The following INTS9 variants were observed in gnomAD, a reference collection of about 807,000 sequenced individuals.
INTS9 encodes integrator complex subunit 9.
INTS9 carries 55 observed loss-of-function variants against 79.7 expected under a neutral mutation model. That is an observed-to-expected ratio of 0.69 (90% CI 0.56 to 0.86). The LOEUF (loss-of-function observed/expected upper bound fraction) is 0.86. Among genes scored for constraint, INTS9 ranks in the 40% least tolerant of loss-of-function variants. The pLI is 0.00. For synonymous variants in INTS9, 319 were observed against 325.2 expected (o/e 0.98, Z 0.20); for missense variants, 721 against 831.5 (o/e 0.87, Z 1.64).
chr8:28,850,980 T>C (rs750445092), intron 2 of INTS9, among the ~76,000 whole-genome samples: 16 of 152,242 alleles, frequency 1.1e-4, no homozygotes, highest in Non-Finnish European at 1.9e-4. Flanking sequence ...GATTTAACTG[T>C]GTTCTACTAG....
intron 1 of INTS9, among the ~76,000 whole-genome samples, chr8:28,885,358 C>T (rs967070667): frequency 4.6e-5 from 7 of 152,314 alleles, no homozygotes; most frequent in African/African-American, 1.7e-4. Context: ...GCCATGGATT[C>T]TGAGGCACTC....
intron 2 of INTS9, among the ~76,000 whole-genome samples, chr8:28,851,512 A>G (rs1248500451): frequency 1.3e-5 from 2 of 151,922 alleles, no homozygotes; most frequent in Admixed American, 6.6e-5. Flanking sequence ...ATCTCGGCTC[A>G]CTGCAACCTC....
chr8:28,882,582 T>G (rs1437296234), intron 1 of INTS9, among the ~76,000 whole-genome samples: 1 of 144,408 alleles, frequency 6.9e-6, no homozygotes, highest in Non-Finnish European at 1.5e-5. Context: ...CATAATGTAT[T>G]TAGAAAAAGA....
At position 28,841,944 on chromosome 8, in the gene INTS9, C is replaced by T. The variant is rs148781901; in HGVS notation, c.262-4168G>A. Among the ~76,000 whole-genome samples, 855 of 152,108 alleles carry T rather than the reference C, an allele frequency of 5.6e-3. 9 individuals carry two copies. Among genetic ancestry groups the T allele is most frequent in the African/African-American group, 0.02 (818 of 41,482 alleles). On this transcript the variant is annotated intron_variant, in intron 4 of 16. Transcript: ENST00000521022. ...CTACAAAAAATGTTTCAACAATTAG[C>T]CAGGCATGGTGTTGCACACATGTAG... is the stretch of plus-strand genomic sequence containing the variant.
intron 1 of INTS9, among the ~76,000 whole-genome samples, chr8:28,865,874 C>T (rs558559342): frequency 1.2e-4 from 19 of 152,206 alleles, no homozygotes; most frequent in African/African-American, 4.3e-4. Flanking sequence ...CTAGTTTCTA[C>T]TTCTGGAATG....
chr8:28,817,078 C>T lies in INTS9; in HGVS notation c.489-3466G>A, dbSNP rs867287567. ...AGCCCTTTGTCAGATGAGTAGGTTG[C>T]GAAAATTTTCTCCCATTTTGTAGGT... On this transcript the variant is annotated intron_variant, in intron 6 of 16. Coordinates refer to ENST00000521022, the MANE Select transcript of INTS9 (RefSeq NM_018250.4). Among the ~76,000 whole-genome samples the T allele has an allele frequency of 4.0e-3, 601 of 149,226 alleles. 3 individuals carry two copies. Among genetic ancestry groups the T allele is most frequent in the African/African-American group, 0.014 (574 of 40,448 alleles).
intron 1 of INTS9, among the ~76,000 whole-genome samples, chr8:28,878,904 C>T (rs991370942): frequency 1.1e-4 from 16 of 151,488 alleles, no homozygotes; most frequent in African/African-American, 3.9e-4. Flanking sequence ...CGCTTGAGCC[C>T]GGGAGGTAGA....
intron 8 of INTS9, among the ~76,000 whole-genome samples, chr8:28,802,305 T>C (rs1804568462): frequency 6.6e-6 from 1 of 152,238 alleles, no homozygotes; most frequent in Non-Finnish European, 1.5e-5. Context: ...TTACTTTTTT[T>C]GGAGTAGTTC....
At chr8:28,779,989 G>A (rs1444414196) in intron 12 of INTS9, among the ~76,000 whole-genome samples, 1 of 151,888 alleles carries the variant, frequency 6.6e-6, no homozygotes, top group Non-Finnish European at 1.5e-5. Flanking sequence ...TTACTGTGGG[G>A]ACAGTCATGC....
At chr8:28,796,278 C>G (rs1437181581) in intron 9 of INTS9, among the ~76,000 whole-genome samples, 1 of 152,194 alleles carries the variant, frequency 6.6e-6, no homozygotes, top group Non-Finnish European at 1.5e-5. Flanking sequence ...CCACTGCACT[C>G]AAGCCTGGGT....
intron 10 of INTS9, among the ~76,000 whole-genome samples, chr8:28,792,676 G>A (rs867297859): frequency 3.3e-5 from 5 of 152,196 alleles, no homozygotes; most frequent in South Asian, 2.1e-4. Context: ...CACTTTGGGA[G>A]GCCGAGGCGG....
chr8:28,824,964 G>T (rs1424365934), intron 6 of INTS9, among the ~76,000 whole-genome samples: 2 of 152,146 alleles, frequency 1.3e-5, no homozygotes, highest in African/African-American at 4.8e-5. Flanking sequence ...GTCAAGGTTT[G>T]TCTCCAGCCC....
In INTS9 at chr8:28,846,740, A is replaced by C; in HGVS notation, c.261+7T>G. ...TGTTTCTACAATAAGATTCACCTTA[A>C]TCTTACCTCTGGTAAACAGAATTCC... On this transcript the variant is annotated splice_region_variant and intron_variant, in intron 4 of 16. Transcript: ENST00000521022. 6.2e-7 allele frequency: 1 copy of C among 1,605,414 alleles called. No homozygotes were observed. Among genetic ancestry groups the C allele is most frequent in the Admixed American group, 1.7e-5 (1 of 60,014 alleles).
intron 8 of INTS9, among the ~76,000 whole-genome samples, chr8:28,807,145 A>G (rs1412867359): frequency 2.0e-5 from 3 of 152,204 alleles, no homozygotes; most frequent in Non-Finnish European, 4.4e-5. Flanking sequence ...AAGGTTAAAC[A>G]AATAAAAGAG....
chr8:28,811,941 G>A (rs143274725), intron 8 of INTS9, among the ~76,000 whole-genome samples: 5 of 152,228 alleles, frequency 3.3e-5, no homozygotes, highest in East Asian at 3.9e-4. Context: ...TAAGATCTAC[G>A]GGCACATGCT....
At chr8:28,811,046 C>G (rs1004701074) in intron 8 of INTS9, among the ~76,000 whole-genome samples, 3 of 152,192 alleles carry the variant, frequency 2.0e-5, no homozygotes, top group Non-Finnish European at 2.9e-5. Context: ...TTTAGGGGCC[C>G]TTCACTGGCC....
At chr8:28,770,138 G>A (rs763860084) in intron 15 of INTS9, 112 bp from the exon 16 acceptor site, 22 of 1,366,528 alleles carry the variant, frequency 1.6e-5, no homozygotes, top group East Asian at 4.9e-5. Flanking sequence ...ACAGAGCCCC[G>A]GCCCGGTTTC....
rs1411066625 is a variant in INTS9 at position 28,819,485 on chromosome 8, A to G, written c.489-5873T>C. Among the ~76,000 whole-genome samples, 6 of 152,238 alleles carry G rather than the reference A, an allele frequency of 3.9e-5. No homozygotes were observed. The East Asian group carries it at 1.2e-3, about 29-fold the overall frequency. On this transcript the variant is annotated intron_variant, in intron 6 of 16. Coordinates refer to ENST00000521022, the MANE Select transcript of INTS9 (RefSeq NM_018250.4). ...GTTTTGAGTGAGTTTCTTAATCCTG[A>G]GTTCTAGTTTGATTGCACTGTTGTC... is the stretch of plus-strand genomic sequence containing the variant.
At chr8:28,863,406 A>G (rs534955862) in intron 1 of INTS9, among the ~76,000 whole-genome samples, 20 of 152,360 alleles carry the variant, frequency 1.3e-4, no homozygotes, top group African/African-American at 4.6e-4. Flanking sequence ...GATTCAACCA[A>G]CTACAAATGG....
Sources: gnomAD v4.1 joint callset for allele counts (sites outside exome capture counted in the v4.1 genomes callset) on GRCh38, gnomAD v4.1.1 for gene constraint, MANE v1.5 for transcripts, NCBI Gene and HGNC (gene_info 2026-07-23, HGNC 2026-07-21) for gene names.